The following WDR35 variants were observed in gnomAD, a reference collection of about 807,000 sequenced individuals.
WDR35 encodes WD repeat domain 35.
In WDR35, 118 loss-of-function variants were observed where a neutral mutation model predicts 158.3. That is an observed-to-expected ratio of 0.75 (90% CI 0.64 to 0.87). The LOEUF (loss-of-function observed/expected upper bound fraction) is 0.87, where lower values mean the gene tolerates loss of function less well. Among genes scored for constraint, WDR35 ranks in the 40% least tolerant of loss-of-function variants. The probability of loss-of-function intolerance (pLI) is 0.00; values close to 1 mark genes in which losing one functional copy is unlikely to be tolerated. For synonymous variants in WDR35, 448 were observed against 476.1 expected (o/e 0.94, Z 0.77); for missense variants, 1,263 against 1,405.8 (o/e 0.90, Z 1.62).
At chr2:19,979,990 T>A (rs1013847820) in intron 4 of WDR35, among the ~76,000 whole-genome samples, 1 of 152,140 alleles carries the variant, frequency 6.6e-6, no homozygotes, top group African/African-American at 2.4e-5. Flanking sequence ...GCTTTTCTGG[T>A]AAAAGTGGAT....
At chr2:19,945,497 A>G (rs145430801) in intron 16 of WDR35, among the ~76,000 whole-genome samples, 12 of 152,220 alleles carry the variant, frequency 7.9e-5, no homozygotes, top group African/African-American at 2.9e-4. Flanking sequence ...TTGACAAGGG[A>G]AAAAAAGACT....
At position 19,973,643 on chromosome 2, in the gene WDR35, A is replaced by G; in HGVS notation, c.802T>C (p.Leu268=). 2 of 1,614,212 alleles carry G rather than the reference A, an allele frequency of 1.2e-6. No homozygotes were observed. Among genetic ancestry groups the G allele is most frequent in the Non-Finnish European group, 1.7e-6 (2 of 1,180,034 alleles). The change falls in exon 8 of 27, where the codon TTA becomes CTA. Residue 268 remains leucine, a synonymous_variant. Transcript: ENST00000281405. The part of the protein sequence containing the change: ...GIQWNHMGSV[L]AVAGFQKAAM... Reference sequence around the variant, plus strand: ...GCCTTCTGGAAGCCTGCCACAGCTAACACGCTGCCCATGTGGTTCCACTGG... The same window carrying G: ...GCCTTCTGGAAGCCTGCCACAGCTAGCACGCTGCCCATGTGGTTCCACTGG...
At chr2:19,922,092 G>T (rs1339977515) in intron 25 of WDR35, among the ~76,000 whole-genome samples, 25 of 152,224 alleles carry the variant, frequency 1.6e-4, no homozygotes. Context: ...AGGACGTGGA[G>T]AAATAGGAAT....
Position 19,946,574 on chromosome 2 carries a change from T to C in WDR35, c.1525-4A>G. The C allele has an allele frequency of 1.2e-6, 2 of 1,612,616 alleles. No homozygotes were observed. Among genetic ancestry groups the C allele is most frequent in the Middle Eastern group, 1.7e-4 (1 of 6,050 alleles). On this transcript the variant is annotated splice_region_variant and splice_polypyrimidine_tract_variant and intron_variant, in intron 14 of 26. Transcript: ENST00000281405. The stretch of plus-strand genomic sequence containing the variant: ...GAATGGTGCCAGATTCACGACCCTA[T>C]GGAAATTACTTTTGATTACTTAAGC...
Position 19,962,714 on chromosome 2 carries a change from T to C in WDR35, c.1195-2100A>G, listed in dbSNP as rs1258370275. Among the ~76,000 whole-genome samples, 5 of 152,190 alleles carry C rather than the reference T, an allele frequency of 3.3e-5. No homozygotes were observed. In the South Asian group the frequency reaches 6.2e-4, roughly 19 times the overall value. ...CCCATAGATAACATACGTCTACTAT[T>C]ACCCATAACATTTAAAAAAAAATAA... On this transcript the variant is annotated intron_variant, in intron 10 of 26. Coordinates refer to ENST00000281405, the MANE Select transcript of WDR35 (RefSeq NM_020779.4).
intron 25 of WDR35, among the ~76,000 whole-genome samples, chr2:19,925,312 G>A (rs1344796862): frequency 6.6e-6 from 1 of 152,226 alleles, no homozygotes; most frequent in East Asian, 1.9e-4. Context: ...AAAGAAGCCA[G>A]GAGAGTGCAT....
At chr2:19,928,502 G>A (rs1670426586) in intron 25 of WDR35, among the ~76,000 whole-genome samples, 1 of 152,072 alleles carries the variant, frequency 6.6e-6, no homozygotes, top group Non-Finnish European at 1.5e-5. Context: ...TGACTGAGCT[G>A]GTCTCGGCAC....
At chr2:19,922,823 G>A (rs1217051666) in intron 25 of WDR35, among the ~76,000 whole-genome samples, 1 of 152,206 alleles carries the variant, frequency 6.6e-6, no homozygotes, top group Non-Finnish European at 1.5e-5. Flanking sequence ...CAGCAGCACT[G>A]TGACAGGTTC....
chr2:19,968,232 C>A (rs1224327915), intron 9 of WDR35, among the ~76,000 whole-genome samples: 1 of 152,158 alleles, frequency 6.6e-6, no homozygotes, highest in African/African-American at 2.4e-5. Flanking sequence ...ATGATGTTAA[C>A]CTTTATCACT....
In WDR35 at chr2:19,935,509, G is replaced by A. The variant is rs1670662859; in HGVS notation, c.2509C>T (p.Leu837Phe). ...TGGTTTTCTGGAAGTGAAATGGCAA[G>A]GTTCTCTAACCCTTCATAATCCTCT... ...MLEDYEGLENLAISLPENHKL... is the reference protein window; with the variant it reads ...MLEDYEGLENFAISLPENHKL... Residue 837 changes from leucine (L) to phenylalanine (F), a missense_variant, in exon 21 of 27, where the codon CTT becomes TTT. By Grantham distance (22) the Leu-to-Phe change is conservative. Coordinates refer to ENST00000281405, the MANE Select transcript of WDR35 (RefSeq NM_020779.4). The A allele has an allele frequency of 6.2e-7, 1 of 1,613,036 alleles. No individual in the cohort carries two copies.
At chr2:19,987,162 C>T (rs936427760) in intron 2 of WDR35, among the ~76,000 whole-genome samples, 3 of 152,210 alleles carry the variant, frequency 2.0e-5, no homozygotes, top group Admixed American at 1.3e-4. Context: ...ACACATTATA[C>T]TTCACATGTT....
chr2:19,949,599 A>G (rs1179980729), intron 13 of WDR35, among the ~76,000 whole-genome samples: 2 of 152,222 alleles, frequency 1.3e-5, no homozygotes, highest in Non-Finnish European at 1.5e-5. Flanking sequence ...TATTTTAAGT[A>G]CTCAATAGCC....
intron 2 of WDR35, among the ~76,000 whole-genome samples, chr2:19,984,167 A>G (rs1672482301): frequency 6.6e-6 from 1 of 152,072 alleles, no homozygotes; most frequent in Non-Finnish European, 1.5e-5. Flanking sequence ...TCTTGACAAA[A>G]CACATGCTGA....
intron 13 of WDR35, among the ~76,000 whole-genome samples, chr2:19,948,546 A>G (rs2103419670): frequency 6.6e-6 from 1 of 152,300 alleles, no homozygotes; most frequent in African/African-American, 2.4e-5. Context: ...CAAGACAGGC[A>G]AAAACCTGAG....
intron 16 of WDR35, among the ~76,000 whole-genome samples, chr2:19,942,056 G>A (rs756826100): frequency 6.6e-6 from 1 of 151,954 alleles, no homozygotes; most frequent in Non-Finnish European, 1.5e-5. Flanking sequence ...AGTAAATTAC[G>A]GACATCATGA....
chr2:19,985,232 C>T (rs1191550713), intron 2 of WDR35, among the ~76,000 whole-genome samples: 2 of 150,760 alleles, frequency 1.3e-5, no homozygotes, highest in African/African-American at 4.9e-5. Context: ...CCTTGGCAGT[C>T]GTAGCAGAAA....
At chr2:19,920,740 C>T (rs1179977749) in intron 25 of WDR35, among the ~76,000 whole-genome samples, 1 of 152,116 alleles carries the variant, frequency 6.6e-6, no homozygotes, top group Non-Finnish European at 1.5e-5. Context: ...GACAATCAGG[C>T]AGGAGAAAGA....
intron 17 of WDR35, among the ~76,000 whole-genome samples, chr2:19,941,180 A>C (rs1256895942): frequency 6.6e-6 from 1 of 152,198 alleles, no homozygotes; most frequent in African/African-American, 2.4e-5. Context: ...AACTTCTCTC[A>C]GTATATTCTT....
At chr2:19,960,937 T>C (rs780174473) in intron 10 of WDR35, among the ~76,000 whole-genome samples, 1 of 152,136 alleles carries the variant, frequency 6.6e-6, no homozygotes, top group Admixed American at 6.5e-5. Flanking sequence ...TTATGGAAAA[T>C]GTGTATTATG....
Sources: allele counts gnomAD v4.1 joint callset (sites outside exome capture counted in the v4.1 genomes callset), GRCh38; gene constraint gnomAD v4.1.1; transcripts MANE v1.5; gene names NCBI Gene and HGNC (gene_info 2026-07-23, HGNC 2026-07-21).